The following UROC1 variants were observed in gnomAD, a reference collection of about 807,000 sequenced individuals.
UROC1 encodes the protein urocanate hydratase 1, also known as urocanate hydratase.
In UROC1, 79 loss-of-function variants were observed where a neutral mutation model predicts 89.5. The ratio of observed to expected loss-of-function variants is 0.88; its 90% confidence interval spans 0.74 to 1.06. The LOEUF (loss-of-function observed/expected upper bound fraction) is 1.06, where lower values mean the gene tolerates loss of function less well. UROC1 is among the 50% of genes least tolerant of loss of function. The pLI is 0.00. For synonymous variants in UROC1, 361 were observed against 354.8 expected (o/e 1.02, Z -0.20); for missense variants, 885 against 907.8 (o/e 0.97, Z 0.32).
intron 15 of UROC1, among the ~76,000 whole-genome samples, chr3:126,494,481 G>C (rs1245313607): frequency 2.0e-5 from 3 of 152,198 alleles, no homozygotes; most frequent in Admixed American, 6.5e-5. Flanking sequence ...AGATGCTGTT[G>C]GCACGGGGAC....
intron 18 of UROC1, among the ~76,000 whole-genome samples, chr3:126,484,816 G>T (rs951276953): frequency 5.3e-5 from 8 of 152,152 alleles, no homozygotes; most frequent in African/African-American, 1.9e-4. Flanking sequence ...GCTCCAAGTC[G>T]ATCTAAGGTC....
At chr3:126,495,646 A>G (rs1428338465) in intron 15 of UROC1, among the ~76,000 whole-genome samples, 1 of 152,104 alleles carries the variant, frequency 6.6e-6, no homozygotes, top group African/African-American at 2.4e-5. Context: ...CTTGCTTCCA[A>G]TTTTTTGGGC....
At chr3:126,491,860 C>T (rs1250731010) in intron 16 of UROC1, among the ~76,000 whole-genome samples, 1 of 152,202 alleles carries the variant, frequency 6.6e-6, no homozygotes, top group African/African-American at 2.4e-5. Flanking sequence ...TCCTCACACA[C>T]ATGCTTTTTA....
Position 126,481,651 on chromosome 3 carries a change from A to G in UROC1, c.*694T>C, listed in dbSNP as rs983123897. ...TGACCTCTCACGAGGCTCTGGACCC[A>G]GTCATTACCGGGCTATGGGATTGGG... On this transcript the variant is annotated 3_prime_UTR_variant, in exon 20 of 20. Transcript: ENST00000290868. 1.3e-5 allele frequency: 2 copies of G among 152,174 alleles called. No individual in the cohort carries two copies. Among genetic ancestry groups the G allele is most frequent in the African/African-American group, 4.8e-5 (2 of 41,422 alleles). The allele number at this position is 152,174 out of a possible 1,614,324, so 9.4% of individuals were successfully genotyped here. A position where few individuals can be genotyped will look rare whatever the true frequency, so the allele number is the denominator to read the frequency against.
chr3:126,504,013 C>G lies in UROC1; in HGVS notation c.884G>C (p.Arg295Pro), dbSNP rs139894266. Residue 295 changes from arginine to proline, a missense_variant, in exon 9 of 20, where the codon CGC (arginine) becomes CCC (proline). Transcript: ENST00000290868. ...WLMEVTDSLDRCIQRLREARK... is the reference protein window; with the variant it reads ...WLMEVTDSLDPCIQRLREARK... The stretch of plus-strand genomic sequence containing the variant: ...GCTGTACCTGAGCCTCTGGATGCAG[C>G]GGTCCAAGCTGTCAGTCACTTCCAT... 1 of 1,614,072 alleles carries G rather than the reference C, an allele frequency of 6.2e-7. No homozygotes were observed. The highest frequency in any genetic ancestry group is 8.5e-7 in the Non-Finnish European group (1 of 1,180,028).
rs757978948 is a variant in UROC1 at position 126,507,735 on chromosome 3, G to T, written c.602+7C>A. 32 of 1,613,920 alleles carry T rather than the reference G, an allele frequency of 2.0e-5. No homozygotes were observed. Among genetic ancestry groups the T allele is most frequent in the Middle Eastern group, 1.6e-4 (1 of 6,062 alleles). ...CACGGTGTAAACAGACTGAAATAGTGACTTACATTGTAACCCCCAAGGCAA... is the reference window on the plus strand; with the variant it reads ...CACGGTGTAAACAGACTGAAATAGTTACTTACATTGTAACCCCCAAGGCAA... On this transcript the variant is annotated splice_region_variant and intron_variant, in intron 6 of 19. Coordinates refer to ENST00000290868, the MANE Select transcript of UROC1 (RefSeq NM_144639.3).
Position 126,505,730 on chromosome 3 carries a change from T to A in UROC1, c.784A>T (p.Ile262Phe). 1 of 1,613,868 alleles carries A rather than the reference T, an allele frequency of 6.2e-7. No homozygotes were observed. The highest frequency in any genetic ancestry group is 8.5e-7 in the Non-Finnish European group (1 of 1,180,010). ...MSGAQAKAAV[I>F]VGCIGVIAEV... ...GCTATCACACCGATGCACCCCACGA[T>A]GACTGCGGCCTTGGCCTGAGCCCCA... The change falls in exon 8 of 20, where the codon ATC becomes TTC. Residue 262 changes from isoleucine to phenylalanine, a missense_variant. Ile to Phe is a conservative substitution (Grantham distance 21, BLOSUM62 0). Transcript: ENST00000290868.
chr3:126,508,589 G>A, intron 3 of UROC1, 114 bp from the exon 4 acceptor site: 1 of 817,710 alleles, frequency 1.2e-6, no homozygotes, highest in Non-Finnish European at 2.0e-6. Flanking sequence ...AAGGAGAGAA[G>A]CCAGAAGGGT....
intron 18 of UROC1, among the ~76,000 whole-genome samples, chr3:126,487,721 G>T (rs1022435870): frequency 6.6e-6 from 1 of 152,238 alleles, no homozygotes; most frequent in Non-Finnish European, 1.5e-5. Flanking sequence ...GCTGGGAGCC[G>T]AGGGGAGAGG....
rs758676482 is a variant in UROC1 at position 126,503,952 on chromosome 3, C to CGTGTCAG, written c.902+36_902+42dup. 3.7e-6 allele frequency: 6 copies of CGTGTCAG among 1,610,274 alleles called. 1 individual carries two copies. Among genetic ancestry groups the CGTGTCAG allele is most frequent in the South Asian group, 2.2e-5 (2 of 91,014 alleles). On this transcript the variant is annotated intron_variant, in intron 9 of 19. Coordinates refer to ENST00000290868, the MANE Select transcript of UROC1 (RefSeq NM_144639.3). ...GTCCTCTTGTGGTCTCCTGCTGCCA[C>CGTGTCAG]GTGTCAGGTGTCAGGTGTCCGGAGT...
intron 18 of UROC1, among the ~76,000 whole-genome samples, chr3:126,484,896 G>A (rs942832996): frequency 3.3e-5 from 5 of 152,218 alleles, no homozygotes; most frequent in Non-Finnish European, 7.3e-5. Context: ...CCTGCAGCTA[G>A]AGAGGCCTCT....
chr3:126,513,135 GGTGTGT>G (rs56301013), intron 1 of UROC1, among the ~76,000 whole-genome samples: 6 of 147,796 alleles, frequency 4.1e-5, no homozygotes, highest in African/African-American at 1.2e-4. Context: ...CACAGAGCAG[GGTGTGT>G]GTGTGTGTGT....
Position 126,500,858 on chromosome 3 carries a change from C to A in UROC1, c.982G>T (p.Glu328Ter), listed in dbSNP as rs781212470. The A allele has an allele frequency of 6.2e-7, 1 of 1,613,840 alleles. No individual in the cohort carries two copies. Among genetic ancestry groups the A allele is most frequent in the South Asian group, 1.1e-5 (1 of 91,084 alleles). ...AAGCACTCCCCCGTCGTGTCCAATT[C>A]GTGGACCAGGCGCTCCCTGGGGAAG... The part of the protein sequence containing the change: ...VVALWERLVH[E>*]LDTTGECLVD... The change falls in exon 11 of 20, where the codon GAA becomes TAA. Residue 328 changes from glutamate (E) to a stop codon, truncating the protein, a stop_gained. Transcript: ENST00000290868. LOFTEE classifies it high-confidence loss of function.
At chr3:126,509,556 T>C (rs769443308) in intron 3 of UROC1, 29 bp downstream of exon 3, 1 of 1,533,096 alleles carries the variant, frequency 6.5e-7, no homozygotes, top group South Asian at 1.2e-5. Flanking sequence ...TGCTGGACAG[T>C]GCTGGGCCTC....
In UROC1 at chr3:126,482,270, A is replaced by G; in HGVS notation, c.*75T>C. On this transcript the variant is annotated 3_prime_UTR_variant, in exon 20 of 20. Transcript: ENST00000290868. The stretch of plus-strand genomic sequence containing the variant: ...GTGCAGGTAGTGCGGGTGTGCAGGA[A>G]GGGTGTGTGCCATGGCTGGGCAGGT... The G allele has an allele frequency of 6.3e-7, 1 of 1,593,920 alleles. No individual in the cohort carries two copies. Among genetic ancestry groups the G allele is most frequent in the Non-Finnish European group, 8.6e-7 (1 of 1,167,208 alleles).
chr3:126,489,158 A>G (rs1033661881), intron 17 of UROC1, 118 bp downstream of exon 17: 3 of 1,007,686 alleles, frequency 3.0e-6, no homozygotes, highest in African/African-American at 1.6e-5. Context: ...TGGTCACTCT[A>G]TGCCGAGCCT....
In UROC1 at chr3:126,505,734, T is replaced by C; in HGVS notation, c.780A>G (p.Ala260=). 1 of 1,613,856 alleles carries C rather than the reference T, an allele frequency of 6.2e-7. No individual in the cohort carries two copies. The highest frequency in any genetic ancestry group is 8.5e-7 in the Non-Finnish European group (1 of 1,180,002). ...TCACACCGATGCACCCCACGATGAC[T>C]GCGGCCTTGGCCTGAGCCCCACTCA... ...GGMSGAQAKA[A]VIVGCIGVIA... is the part of the protein sequence containing the mutation. Residue 260 remains alanine, a synonymous_variant, in exon 8 of 20, where the codon GCA becomes GCG. Transcript: ENST00000290868.
intron 9 of UROC1, among the ~76,000 whole-genome samples, chr3:126,503,009 TTG>T (rs1204618593): frequency 5.9e-5 from 9 of 151,894 alleles, no homozygotes; most frequent in African/African-American, 1.7e-4. Flanking sequence ...TGCATGCATG[TTG>T]TGTGTGTTTA....
chr3:126,489,317 C>CT lies in UROC1; in HGVS notation c.1666dup (p.Arg556LysfsTer44). 6.2e-7 allele frequency: 1 copy of CT among 1,613,768 alleles called. No individual in the cohort carries two copies. The highest frequency in any genetic ancestry group is 8.5e-7 in the Non-Finnish European group (1 of 1,180,004). ...GCCGTCGTAAATGTTGGAGGTCTCCCTAAAGGGGCTGTCGGTGCCGCTCAC... is the reference window on the plus strand; with the variant it reads ...GCCGTCGTAAATGTTGGAGGTCTCCCTTAAAGGGGCTGTCGGTGCCGCTCAC... On this transcript the variant is annotated frameshift_variant, in exon 17 of 20. Transcript: ENST00000290868. LOFTEE classifies it high-confidence loss of function.
Sources: allele counts gnomAD v4.1 joint callset (sites outside exome capture counted in the v4.1 genomes callset), GRCh38; gene constraint gnomAD v4.1.1; transcripts MANE v1.5; gene names NCBI Gene and HGNC (gene_info 2026-07-23, HGNC 2026-07-21).